Variants in PHF24 observed in about 807,000 individuals in gnomAD.
PHF24 encodes the protein Galpha inhibitory interacting protein.
Under a neutral mutation model 42.6 loss-of-function variants are expected in PHF24, and 25 were observed. The observed-to-expected ratio is 0.59, with a 90% CI of 0.43 to 0.82. The LOEUF is 0.82. PHF24 is among the 40% of genes least tolerant of loss of function. PHF24 has a pLI of 0.00. For missense variants in PHF24, 470 were observed against 538.1 expected (o/e 0.87, Z 1.25); for synonymous variants, 185 against 204.8 (o/e 0.90, Z 0.83).
chr9:34,854,539 C>T, the PHF24 span, among the ~76,000 whole-genome samples: 5 of 152,152 alleles, frequency 3.3e-5, no homozygotes, highest in Non-Finnish European at 5.9e-5. Context: ...TATTTACCTA[C>T]GAATCATTCA....
chr9:34,757,192 T>A, the PHF24 span, among the ~76,000 whole-genome samples: 1 of 152,084 alleles, frequency 6.6e-6, no homozygotes, highest in African/African-American at 2.4e-5. Context: ...TGTGAGCCAC[T>A]GCACCCTGCC....
chr9:34,844,103 C>G, the PHF24 span, among the ~76,000 whole-genome samples: 2 of 152,190 alleles, frequency 1.3e-5, no homozygotes, highest in East Asian at 3.9e-4. Flanking sequence ...CTGGTAGGCT[C>G]TTATGATCAT....
At chr9:34,917,641 G>A in the PHF24 span, 183 of 776,926 alleles carry the variant, frequency 2.4e-4, no homozygotes, top group Middle Eastern at 9.8e-4. Flanking sequence ...GTGGCTTCCC[G>A]GGGCCTCAGA....
the PHF24 span, among the ~76,000 whole-genome samples, chr9:34,896,683 GAGC>G: frequency 9.2e-5 from 14 of 152,168 alleles, no homozygotes; most frequent in African/African-American, 3.4e-4. Context: ...ACTTTAGGCA[GAGC>G]AGGATTTTTC....
At chr9:34,807,801 G>A in the PHF24 span, among the ~76,000 whole-genome samples, 1 of 152,012 alleles carries the variant, frequency 6.6e-6, no homozygotes, top group African/African-American at 2.4e-5. Context: ...ACCAGAAGCG[G>A]TGCATCTGAT....
the PHF24 span, among the ~76,000 whole-genome samples, chr9:34,828,862 C>T: frequency 8.1e-5 from 12 of 148,722 alleles, no homozygotes; most frequent in Non-Finnish European, 1.6e-4. Context: ...GTCTTTAGAT[C>T]TCTTCATTTA....
chr9:34,848,984 G>T, the PHF24 span, among the ~76,000 whole-genome samples: 2 of 152,136 alleles, frequency 1.3e-5, no homozygotes, highest in Non-Finnish European at 2.9e-5. Flanking sequence ...TATAATTTCT[G>T]TTCTTTTACA....
chr9:34,917,187 G>A, the PHF24 span: 2 of 1,447,466 alleles, frequency 1.4e-6, no homozygotes, highest in South Asian at 1.1e-5. Context: ...GACCACCTCA[G>A]CATGTTCCCA....
rs546815814 is a variant in PHF24 at position 34,963,420 on chromosome 9, A to G, written c.-5+5019A>G. The stretch of plus-strand genomic sequence containing the variant: ...CAGCTGGTCACCTTCTGTGTTAGGC[A>G]TATGGCTTTTCCTAAGGCTCTCAGC... On this transcript the variant is annotated intron_variant, in intron 1 of 7. Coordinates refer to ENST00000242315, the Ensembl canonical transcript of PHF24. Among the ~76,000 whole-genome samples, 16 of 152,288 alleles carry G rather than the reference A, an allele frequency of 1.1e-4. No homozygotes were observed. In the South Asian group the frequency reaches 3.3e-3, roughly 32 times the overall value.
At chr9:34,842,867 G>A in the PHF24 span, among the ~76,000 whole-genome samples, 68,590 of 151,982 alleles carry the variant, frequency 0.45, 16,232 homozygotes, top group East Asian at 0.67. Context: ...TTGTTTTCCT[G>A]TATCTTTGTC....
chr9:34,976,030 G>T (rs1322563564), intron 3 of PHF24, 122 bp from the exon 4 acceptor site: 3 of 708,702 alleles, frequency 4.2e-6, no homozygotes, highest in African/African-American at 1.8e-5. Context: ...ATTGTGAATA[G>T]GAGGCTGGGA....
At chr9:34,830,237 A>T in the PHF24 span, among the ~76,000 whole-genome samples, 1 of 152,244 alleles carries the variant, frequency 6.6e-6, no homozygotes, top group Admixed American at 6.5e-5. Flanking sequence ...TTGTCCTAAA[A>T]GTTACAAAAA....
chr9:34,805,779 A>T, the PHF24 span, among the ~76,000 whole-genome samples: 43 of 152,238 alleles, frequency 2.8e-4, no homozygotes, highest in African/African-American at 8.4e-4. Flanking sequence ...CCAAGAAGTC[A>T]TTGCCAACTC....
chr9:34,868,432 A>G, the PHF24 span, among the ~76,000 whole-genome samples: 189 of 152,228 alleles, frequency 1.2e-3, 1 homozygote, highest in African/African-American at 4.4e-3. Flanking sequence ...TTTTCTTCCT[A>G]TTGAACACCC....
At chr9:34,874,377 G>A in the PHF24 span, among the ~76,000 whole-genome samples, 10 of 152,182 alleles carry the variant, frequency 6.6e-5, no homozygotes, top group Admixed American at 4.6e-4. Context: ...AATAAATTAG[G>A]TATTAATGGG....
the PHF24 span, among the ~76,000 whole-genome samples, chr9:34,846,165 G>T: frequency 3.3e-5 from 5 of 152,254 alleles, no homozygotes; most frequent in Non-Finnish European, 5.9e-5. Flanking sequence ...GATCCCTGAG[G>T]AATCGCCACA....
chr9:34,784,140 T>G, the PHF24 span, among the ~76,000 whole-genome samples: 1 of 152,208 alleles, frequency 6.6e-6, no homozygotes, highest in South Asian at 2.1e-4. Context: ...TATAAGATAT[T>G]CTCTAAGGAA....
At chr9:34,907,592 G>A in the PHF24 span, among the ~76,000 whole-genome samples, 3 of 152,088 alleles carry the variant, frequency 2.0e-5, 1 homozygote, top group South Asian at 6.2e-4. Flanking sequence ...TGATTGTCCC[G>A]TAGATCACAG....
chr9:34,936,036 G>A, the PHF24 span, among the ~76,000 whole-genome samples: 6 of 145,670 alleles, frequency 4.1e-5, no homozygotes, highest in African/African-American at 1.3e-4. Flanking sequence ...TCCCGCTCCC[G>A]CTCCCGCTCC....
Sources: allele counts gnomAD v4.1 joint callset (sites outside exome capture counted in the v4.1 genomes callset), GRCh38; gene constraint gnomAD v4.1.1; transcripts MANE v1.5; gene names NCBI Gene and HGNC (gene_info 2026-07-23, HGNC 2026-07-21).